The following VPS26C variants were observed in gnomAD, a reference collection of about 807,000 sequenced individuals.
The protein encoded by VPS26C is VPS26 endosomal protein sorting factor C, also known as vacuolar protein sorting-associated protein 26C.
A neutral mutation model predicts 30.6 loss-of-function variants in VPS26C; 19 were observed. That is an observed-to-expected ratio of 0.62 (90% CI 0.43 to 0.91). The LOEUF is 0.91. Ranked by LOEUF, VPS26C falls within the 40% of genes least tolerant of loss-of-function variation. The probability of loss-of-function intolerance (pLI) is 0.00; values close to 1 mark genes in which losing one functional copy is unlikely to be tolerated. For synonymous variants in VPS26C, 132 were observed against 151.5 expected, an observed-to-expected ratio of 0.87 and a Z score of 0.95; for missense variants, 318 against 385.1, an observed-to-expected ratio of 0.83 and a Z score of 1.46.
chr21:37,260,906 A>G (rs2086297386), intron 1 of VPS26C, among the ~76,000 whole-genome samples: 1 of 152,236 alleles, frequency 6.6e-6, no homozygotes, highest in Admixed American at 6.5e-5. Context: ...ATAATTACGA[A>G]GCAAAATCCA....
chr21:37,227,914 C>G (rs1187229721), intron 6 of VPS26C, 108 bp from the exon 7 acceptor site: 20 of 1,425,052 alleles, frequency 1.4e-5, no homozygotes, highest in Non-Finnish European at 1.9e-5. Context: ...CCAGGGTCCC[C>G]TCCCCTCACT....
In VPS26C at chr21:37,233,871, T is replaced by C. The variant is rs1602266779; in HGVS notation, c.352-429A>G. Among the ~76,000 whole-genome samples the C allele has an allele frequency of 6.6e-6, 1 of 152,334 alleles. No individual in the cohort carries two copies. The highest frequency in any genetic ancestry group is 6.5e-5 in the Admixed American group (1 of 15,304). On this transcript the variant is annotated intron_variant, in intron 3 of 7. Transcript: ENST00000309117. This position sits in a 1 kb window ranked among gnomAD's most constrained non-coding sequence, Gnocchi z 5.2. Reference sequence around the variant, plus strand: ...GAGCTTCTGCTTCCCTTCTGTAGAATGGGGCTCTTAAGACCCACCTGCAGC... The same window carrying C: ...GAGCTTCTGCTTCCCTTCTGTAGAACGGGGCTCTTAAGACCCACCTGCAGC...
At chr21:37,258,293 A>G (rs2086266481) in intron 1 of VPS26C, among the ~76,000 whole-genome samples, 1 of 152,162 alleles carries the variant, frequency 6.6e-6, no homozygotes, top group Non-Finnish European at 1.5e-5. Context: ...CAGCCGTTTC[A>G]CAGAGACTGC....
At chr21:37,229,727 T>C (rs1449291075) in intron 5 of VPS26C, among the ~76,000 whole-genome samples, 1 of 152,200 alleles carries the variant, frequency 6.6e-6, no homozygotes, top group Non-Finnish European at 1.5e-5. Flanking sequence ...CAGCCATGTG[T>C]CCAGGGTCAA....
At chr21:37,248,236 T>C (rs1280982738) in intron 1 of VPS26C, among the ~76,000 whole-genome samples, 1 of 150,242 alleles carries the variant, frequency 6.7e-6, no homozygotes, top group Non-Finnish European at 1.5e-5. Flanking sequence ...TAGATCTCTA[T>C]ACCCTGAAAA....
In VPS26C at chr21:37,228,119, G is replaced by A. The variant is rs1396572216; in HGVS notation, c.658+104C>T. 1.4e-5 allele frequency: 20 copies of A among 1,469,860 alleles called. No individual in the cohort carries two copies. In the East Asian group the frequency reaches 4.3e-4, roughly 32 times the overall value. 91.1% of individuals were successfully genotyped at this position (1,469,860 alleles called of 1,614,324 possible). A position where few individuals can be genotyped will look rare whatever the true frequency, so the allele number is the denominator to read the frequency against. ...CTCCTGAGTAGCTGGGATTACAGGG[G>A]TGCGCCACTGTGCCCAGCCCCCCAG... On this transcript the variant is annotated intron_variant, in intron 6 of 7. Coordinates refer to ENST00000309117, the MANE Select transcript of VPS26C (RefSeq NM_006052.2).
intron 1 of VPS26C, 115 bp downstream of exon 1, chr21:37,267,123 G>T (rs1015944731): frequency 2.1e-6 from 2 of 964,022 alleles, no homozygotes; most frequent in African/African-American, 1.6e-5. Flanking sequence ...AGACGCACCT[G>T]GCGGGACAGC....
At chr21:37,267,092 G>A (rs2086373071) in intron 1 of VPS26C, 146 bp downstream of exon 1, 4 of 780,778 alleles carry the variant, frequency 5.1e-6, no homozygotes, top group Non-Finnish European at 6.6e-6. Flanking sequence ...GCACCTGGCG[G>A]GAACGCACCC....
Position 37,233,248 on chromosome 21 carries a change from C to A in VPS26C, c.432+114G>T. The A allele has an allele frequency of 1.1e-6, 1 of 873,076 alleles. No homozygotes were observed. Among genetic ancestry groups the A allele is most frequent in the Non-Finnish European group, 1.9e-6 (1 of 536,258 alleles). The allele number at this position is 873,076 out of a possible 1,614,324, so 54.1% of individuals were successfully genotyped here. On this transcript the variant is annotated intron_variant, in intron 4 of 7. Coordinates refer to ENST00000309117, the MANE Select transcript of VPS26C (RefSeq NM_006052.2). This position sits in a 1 kb window ranked among gnomAD's most constrained non-coding sequence, Gnocchi z 5.2. ...TGACCCAGAAGTCTTGTGTCTTCTG[C>A]CAGCACCCGTGAAACAGTAAGAGGC...
intron 1 of VPS26C, chr21:37,261,904 G>A (rs2086308156): frequency 6.6e-6 from 1 of 151,818 alleles, no homozygotes; most frequent in African/African-American, 2.4e-5. Flanking sequence ...TGTGGGTAGG[G>A]TTACAAGGGT....
intron 1 of VPS26C, among the ~76,000 whole-genome samples, chr21:37,256,875 G>A (rs2086248700): frequency 6.6e-6 from 1 of 152,144 alleles, no homozygotes; most frequent in Non-Finnish European, 1.5e-5. Context: ...ATGTAAATAT[G>A]GAGTTGGGCA....
intron 3 of VPS26C, among the ~76,000 whole-genome samples, chr21:37,235,879 A>ATATATATT (rs1555930580): frequency 5.2e-4 from 58 of 111,274 alleles, no homozygotes; most frequent in Non-Finnish European, 6.4e-4. Flanking sequence ...ATATATATAT[A>ATATATATT]TTTTTTTTTT....
intron 1 of VPS26C, among the ~76,000 whole-genome samples, chr21:37,263,951 C>T (rs576478195): frequency 6.6e-6 from 1 of 152,238 alleles, no homozygotes; most frequent in African/African-American, 2.4e-5. Context: ...CTAGATGTGA[C>T]ATATGCACTG....
At chr21:37,258,005 G>A (rs991837739) in intron 1 of VPS26C, among the ~76,000 whole-genome samples, 2 of 152,238 alleles carry the variant, frequency 1.3e-5, no homozygotes, top group Non-Finnish European at 2.9e-5. Flanking sequence ...GCTGGCCAGT[G>A]TGTGGCGGAG....
intron 5 of VPS26C, chr21:37,230,668 A>C (rs1476207502): frequency 6.6e-6 from 1 of 152,280 alleles, no homozygotes; most frequent in African/African-American, 2.4e-5. Context: ...CCCCGTGGGG[A>C]CCACCCCAGT....
At chr21:37,232,287 C>G in intron 5 of VPS26C, 90 bp downstream of exon 5, 1 of 1,064,988 alleles carries the variant, frequency 9.4e-7, no homozygotes, top group African/African-American at 1.6e-5. Context: ...GACGTGATTT[C>G]CAAATGAAGA....
Position 37,228,322 on chromosome 21 carries a change from A to G in VPS26C, c.559T>C (p.Cys187Arg), listed in dbSNP as rs1299536304. The change falls in exon 6 of 8, where the codon TGT (cysteine) becomes CGT (arginine). Residue 187 changes from cysteine to arginine, a missense_variant. Coordinates refer to ENST00000309117, the MANE Select transcript of VPS26C (RefSeq NM_006052.2). ...CCCGTTAGTGGCTGCGTGATGACAC[A>G]GTTTGTTGAGTTGAGATGTCCTCGA... ...LLRGHLNSTN[C>R]VITQPLTGEL... The G allele has an allele frequency of 6.2e-7, 1 of 1,614,226 alleles. No homozygotes were observed. Among genetic ancestry groups the G allele is most frequent in the Non-Finnish European group, 8.5e-7 (1 of 1,180,046 alleles).
At chr21:37,262,887 C>T (rs1288866515) in intron 1 of VPS26C, among the ~76,000 whole-genome samples, 1 of 151,832 alleles carries the variant, frequency 6.6e-6, no homozygotes, top group Non-Finnish European at 1.5e-5. Flanking sequence ...CAAACCTCAG[C>T]CTCCCAAGTA....
chr21:37,241,529 C>T (rs1158114885), intron 1 of VPS26C, among the ~76,000 whole-genome samples: 1 of 152,086 alleles, frequency 6.6e-6, no homozygotes, highest in Non-Finnish European at 1.5e-5. Context: ...CAGAACAACA[C>T]GTCTCAGGCT....
Sources: gnomAD v4.1 joint callset for allele counts (sites outside exome capture counted in the v4.1 genomes callset) on GRCh38, gnomAD v4.1.1 for gene constraint, Gnocchi (gnomAD v3.1) non-coding constraint, MANE v1.5 for transcripts, NCBI Gene and HGNC (gene_info 2026-07-23, HGNC 2026-07-21) for gene names.